The following AASS variants were observed in gnomAD, a reference collection of about 807,000 sequenced individuals.
AASS encodes alpha-aminoadipic semialdehyde synthase, mitochondrial.
Under a neutral mutation model 105.4 loss-of-function variants are expected in AASS, and 86 were observed. That is an observed-to-expected ratio of 0.82 (90% CI 0.69 to 0.98). The LOEUF (loss-of-function observed/expected upper bound fraction) is 0.98, where lower values mean the gene tolerates loss of function less well. Ranked by LOEUF, AASS falls within the 50% of genes least tolerant of loss-of-function variation. The pLI is 0.00. For missense variants in AASS, 1,048 were observed against 1,143.2 expected (o/e 0.92, Z 1.20); for synonymous variants, 381 against 394.8 (o/e 0.96, Z 0.41).
At chr7:122,102,267 T>C (rs1381507055) in intron 11 of AASS, among the ~76,000 whole-genome samples, 1 of 151,884 alleles carries the variant, frequency 6.6e-6, no homozygotes, top group Non-Finnish European at 1.5e-5. Context: ...CAAAATTGAG[T>C]CAGAGACAAC....
At chr7:122,113,840 G>T in intron 9 of AASS, 120 bp from the exon 10 acceptor site, 1 of 1,170,152 alleles carries the variant, frequency 8.5e-7, no homozygotes, top group Non-Finnish European at 1.2e-6. Flanking sequence ...CAGGCTTTTG[G>T]GGTCTTTTTC....
At chr7:122,142,079 A>G (rs1190953662) in intron 1 of AASS, among the ~76,000 whole-genome samples, 1 of 152,186 alleles carries the variant, frequency 6.6e-6, no homozygotes, top group East Asian at 1.9e-4. Flanking sequence ...TTGCAACAGA[A>G]GATGGATACC....
intron 4 of AASS, among the ~76,000 whole-genome samples, chr7:122,121,642 C>T (rs1264088762): frequency 6.6e-6 from 1 of 152,218 alleles, no homozygotes; most frequent in East Asian, 1.9e-4. Context: ...AATCAGCCTG[C>T]CCTGGACTCC....
intron 6 of AASS, among the ~76,000 whole-genome samples, chr7:122,117,947 T>C (rs933283215): frequency 6.6e-6 from 1 of 152,036 alleles, no homozygotes; most frequent in African/African-American, 2.4e-5. Context: ...TGAGCCACCA[T>C]GTCTGGCTGA....
At chr7:122,088,013 C>T (rs1277398496) in intron 18 of AASS, among the ~76,000 whole-genome samples, 2 of 152,072 alleles carry the variant, frequency 1.3e-5, no homozygotes, top group Admixed American at 1.3e-4. Flanking sequence ...GATATTCATT[C>T]GTAGTTGTAT....
intron 23 of AASS, among the ~76,000 whole-genome samples, chr7:122,076,992 AG>A (rs1793045018): frequency 6.6e-6 from 1 of 152,178 alleles, no homozygotes; most frequent in African/African-American, 2.4e-5. Context: ...GAGTTGTAAC[AG>A]GTTTGATTAT....
intron 11 of AASS, 138 bp from the exon 12 acceptor site, chr7:122,101,818 T>C (rs1584847346): frequency 1.4e-6 from 1 of 702,480 alleles, no homozygotes; most frequent in Non-Finnish European, 2.5e-6. Context: ...CGAGTATAAG[T>C]GATTGCTAAT....
intron 15 of AASS, among the ~76,000 whole-genome samples, chr7:122,094,153 A>G (rs887933095): frequency 2.0e-5 from 3 of 152,158 alleles, no homozygotes; most frequent in African/African-American, 4.8e-5. Context: ...TATGCTTGCT[A>G]CTTGGTGACA....
intron 6 of AASS, among the ~76,000 whole-genome samples, chr7:122,117,518 A>C (rs1795238082): frequency 6.6e-6 from 1 of 152,168 alleles, no homozygotes; most frequent in Non-Finnish European, 1.5e-5. Flanking sequence ...AGTCTTAAAA[A>C]ATGGTTATCG....
intron 19 of AASS, chr7:122,082,882 A>G (rs1793432614): frequency 7.8e-7 from 1 of 1,287,618 alleles, no homozygotes; most frequent in Admixed American, 2.3e-5. Flanking sequence ...ATTATTCAGC[A>G]TTCCAATCCC....
At position 122,098,587 on chromosome 7, in the gene AASS, A is replaced by T. The variant is rs1332469652; in HGVS notation, c.1529-11T>A. On this transcript the variant is annotated splice_polypyrimidine_tract_variant and intron_variant, in intron 14 of 23. Transcript: ENST00000417368. ...TCTTCATGTCAGATCCTATTTCAGT[A>T]ATTAAAAGTCACATTTTTAGATATG... 7.5e-6 allele frequency: 12 copies of T among 1,606,254 alleles called. No homozygotes were observed. The highest frequency in any genetic ancestry group is 1.0e-5 in the Non-Finnish European group (12 of 1,174,690).
intron 18 of AASS, among the ~76,000 whole-genome samples, chr7:122,087,692 T>C (rs1396344953): frequency 1.3e-5 from 2 of 152,102 alleles, no homozygotes; most frequent in African/African-American, 4.8e-5. Context: ...CAAGACACCA[T>C]CTCTTAAAAA....
chr7:122,091,260 T>C (rs1793884205), intron 18 of AASS, among the ~76,000 whole-genome samples: 1 of 152,070 alleles, frequency 6.6e-6, no homozygotes, highest in Admixed American at 6.6e-5. Flanking sequence ...ATAGTTTCTT[T>C]CCCCAGCACA....
chr7:122,110,298 T>A (rs1794870465), intron 11 of AASS, among the ~76,000 whole-genome samples: 1 of 149,412 alleles, frequency 6.7e-6, no homozygotes, highest in East Asian at 2.0e-4. Context: ...AAAAGAGAAA[T>A]CACTACAGAA....
chr7:122,109,524 A>G (rs932155204), intron 11 of AASS, among the ~76,000 whole-genome samples: 1 of 152,072 alleles, frequency 6.6e-6, no homozygotes, highest in East Asian at 1.9e-4. Flanking sequence ...TTTTGGAGAA[A>G]AGTGTCAAGA....
intron 23 of AASS, 130 bp from the exon 24 acceptor site, chr7:122,076,737 A>G: frequency 1.4e-6 from 1 of 732,510 alleles, no homozygotes. Context: ...TTTTTTAAGT[A>G]GCTGCTTAAA....
At position 122,101,424 on chromosome 7, in the gene AASS, G is replaced by C; in HGVS notation, c.1353C>G (p.Ser451=). ...TATATTTATCAGGTAATGTACCGTT[G>C]GATGTAATCACTGCCTAAATGTATA... ...SPVVRDAVIT[S]NGTLPDKYKY... The change falls in exon 13 of 24, where the codon TCC becomes TCG. Residue 451 remains serine (S), a synonymous_variant. Transcript: ENST00000417368. 6.2e-7 allele frequency: 1 copy of C among 1,610,104 alleles called. No homozygotes were observed. The highest frequency in any genetic ancestry group is 1.1e-5 in the South Asian group (1 of 90,998).
At chr7:122,080,553 T>C (rs777471002) in intron 20 of AASS, among the ~76,000 whole-genome samples, 7 of 152,124 alleles carry the variant, frequency 4.6e-5, no homozygotes, top group Non-Finnish European at 1.0e-4. Flanking sequence ...AGTAAGTTTA[T>C]GAAAGGTAAA....
Position 122,133,498 on chromosome 7 carries a change from A to G in AASS, c.210+19T>C, listed in dbSNP as rs1309891127. The G allele has an allele frequency of 6.2e-7, 1 of 1,613,498 alleles. No individual in the cohort carries two copies. Among genetic ancestry groups the G allele is most frequent in the South Asian group, 1.1e-5 (1 of 91,068 alleles). On this transcript the variant is annotated intron_variant, in intron 2 of 23. Transcript: ENST00000417368. ...GCAGGTTCATTTTATTCTCACATAA[A>G]AATATTGGAAATACTCACCTTATCA...
Sources: allele counts gnomAD v4.1 joint callset (sites outside exome capture counted in the v4.1 genomes callset), GRCh38; gene constraint gnomAD v4.1.1; transcripts MANE v1.5; gene names NCBI Gene and HGNC (gene_info 2026-07-23, HGNC 2026-07-21).